TRIM4: variants seen among roughly 807,000 people sequenced by gnomAD.
TRIM4 encodes E3 ubiquitin-protein ligase TRIM4.
A neutral mutation model predicts 33.7 loss-of-function variants in TRIM4; 29 were observed. The observed-to-expected ratio is 0.86, with a 90% CI of 0.64 to 1.17. The LOEUF (loss-of-function observed/expected upper bound fraction) is 1.17, where lower values mean the gene tolerates loss of function less well. Ranked by LOEUF, TRIM4 falls within the 50% of genes most tolerant of loss-of-function variation. The pLI, the probability that TRIM4 is intolerant of heterozygous loss-of-function variation, is 0.00. For synonymous variants in TRIM4, 224 were observed against 233.0 expected, an observed-to-expected ratio of 0.96 and a Z score of 0.35; for missense variants, 554 against 593.7, an observed-to-expected ratio of 0.93 and a Z score of 0.69.
Position 99,890,529 on chromosome 7 carries a change from C to G in TRIM4, c.*1634G>C, listed in dbSNP as rs567715778. On this transcript the variant is annotated 3_prime_UTR_variant, in exon 6 of 6. Transcript: ENST00000349062. ...CATAGTACATATACACCATGGAATA[C>G]TATGCAGCCATAAAAAAAGAATGAG... The G allele has an allele frequency of 3.7e-4, 56 of 152,318 alleles. No individual in the cohort carries two copies. Among genetic ancestry groups the G allele is most frequent in the African/African-American group, 1.2e-3 (50 of 41,574 alleles). The allele number at this position is 152,318 out of a possible 1,614,324, so 9.4% of individuals were successfully genotyped here.
chr7:99,902,181 AC>A (rs1360561297), intron 5 of TRIM4: 1 of 764,388 alleles, frequency 1.3e-6, no homozygotes, highest in African/African-American at 1.7e-5. Context: ...GTTGCTGCAG[AC>A]AAGAAAACAA....
At chr7:99,905,381 GAAATGTATAT>G (rs1563086072) in intron 3 of TRIM4, among the ~76,000 whole-genome samples, 1 of 152,200 alleles carries the variant, frequency 6.6e-6, no homozygotes, top group African/African-American at 2.4e-5. Context: ...ACAACTGATA[GAAATGTATAT>G]AAATGTGCAC....
chr7:99,905,218 T>C (rs1267615803), intron 3 of TRIM4, among the ~76,000 whole-genome samples: 1 of 152,102 alleles, frequency 6.6e-6, no homozygotes, highest in East Asian at 1.9e-4. Context: ...TTGGTGAGGA[T>C]ACACAGCAAC....
At chr7:99,902,770 T>C (rs570185791) in intron 5 of TRIM4, among the ~76,000 whole-genome samples, 59 of 150,196 alleles carry the variant, frequency 3.9e-4, no homozygotes, top group Admixed American at 1.5e-3. Flanking sequence ...TAGCTCATGC[T>C]GCTGCTTCTG....
intron 5 of TRIM4, among the ~76,000 whole-genome samples, chr7:99,898,997 C>T (rs1819091875): frequency 6.6e-6 from 1 of 152,224 alleles, no homozygotes; most frequent in Non-Finnish European, 1.5e-5. Context: ...AATGCTACTG[C>T]ACATACCTTG....
At chr7:99,902,526 C>T (rs1426591501) in intron 5 of TRIM4, among the ~76,000 whole-genome samples, 2 of 152,164 alleles carry the variant, frequency 1.3e-5, no homozygotes, top group African/African-American at 2.4e-5. Context: ...GGATTACAGA[C>T]ATGAGCCTTC....
intron 5 of TRIM4, chr7:99,901,042 C>G (rs548188715): frequency 1.3e-5 from 2 of 152,164 alleles, no homozygotes; most frequent in Admixed American, 6.5e-5. Flanking sequence ...TCTCCCTCCC[C>G]ACTCCTCTCT....
chr7:99,913,661 A>T lies in TRIM4; in HGVS notation c.394-4001T>A, dbSNP rs571420461. Among the ~76,000 whole-genome samples the T allele has an allele frequency of 4.7e-3, 698 of 149,288 alleles. 7 individuals carry two copies. The highest frequency in any genetic ancestry group is 0.016 in the African/African-American group (652 of 40,792). ...ACTCCAGCCTGGGCAACACAGTGAG[A>T]CTCCATCTCAAATAAATAAATAAAT... is the stretch of plus-strand genomic sequence containing the variant. On this transcript the variant is annotated intron_variant, in intron 1 of 5. Coordinates refer to ENST00000349062, the MANE Select transcript of TRIM4 (RefSeq NM_033091.3).
At chr7:99,893,904 G>A (rs1268780166) in intron 5 of TRIM4, among the ~76,000 whole-genome samples, 1 of 151,098 alleles carries the variant, frequency 6.6e-6, no homozygotes, top group African/African-American at 2.4e-5. Context: ...AAAAAATCAG[G>A]AATGTATGCT....
intron 3 of TRIM4, among the ~76,000 whole-genome samples, chr7:99,904,378 A>G (rs1819248454): frequency 6.6e-6 from 1 of 152,230 alleles, no homozygotes; most frequent in Non-Finnish European, 1.5e-5. Context: ...AGATCATCAA[A>G]AACCAGAAAA....
At chr7:99,897,982 A>G (rs1332008020) in intron 5 of TRIM4, among the ~76,000 whole-genome samples, 3 of 151,852 alleles carry the variant, frequency 2.0e-5, no homozygotes, top group African/African-American at 7.3e-5. Flanking sequence ...GCACATGGTG[A>G]CCTCTTTCCA....
intron 3 of TRIM4, among the ~76,000 whole-genome samples, chr7:99,907,183 T>G (rs1819326499): frequency 6.6e-6 from 1 of 152,202 alleles, no homozygotes; most frequent in Non-Finnish European, 1.5e-5. Flanking sequence ...AGTGGCACAA[T>G]CTCGGCTCAC....
chr7:99,902,617 C>T lies in TRIM4; in HGVS notation c.841+601G>A, dbSNP rs569622841. On this transcript the variant is annotated intron_variant, in intron 5 of 5. Transcript: ENST00000349062. ...CACAGCTTCTAGAGCATGTACCTGC[C>T]TTGGTGCCTCCCTGGAGATCCAATG... Among the ~76,000 whole-genome samples the T allele has an allele frequency of 9.8e-5, 15 of 152,288 alleles. No individual in the cohort carries two copies. The South Asian group carries it at 3.1e-3, about 32-fold the overall frequency.
intron 1 of TRIM4, among the ~76,000 whole-genome samples, chr7:99,914,204 C>T (rs1466999891): frequency 6.6e-6 from 1 of 152,212 alleles, no homozygotes; most frequent in Non-Finnish European, 1.5e-5. Flanking sequence ...ATATCCACAA[C>T]GCAGCCACAG....
intron 5 of TRIM4, among the ~76,000 whole-genome samples, chr7:99,897,671 C>T (rs1180252166): frequency 6.6e-6 from 1 of 152,174 alleles, no homozygotes; most frequent in African/African-American, 2.4e-5. Context: ...ACATCCTACT[C>T]CCCAACCCCC....
intron 3 of TRIM4, among the ~76,000 whole-genome samples, chr7:99,905,163 C>A (rs959498531): frequency 2.6e-5 from 4 of 151,988 alleles, no homozygotes; most frequent in Admixed American, 6.6e-5. Flanking sequence ...TGACATTTTG[C>A]ACCTTTCAGG....
Position 99,892,126 on chromosome 7 carries a change from C to A in TRIM4, c.*37G>T. 6.5e-7 allele frequency: 1 copy of A among 1,540,368 alleles called. No individual in the cohort carries two copies. The highest frequency in any genetic ancestry group is 1.2e-5 in the South Asian group (1 of 80,952). On this transcript the variant is annotated 3_prime_UTR_variant, in exon 6 of 6. Transcript: ENST00000349062. Reference sequence around the variant, plus strand: ...CAGGGATGTGTGTCCCTCAGCTGGACTACAGGGAAGGAGTTTTGGTCAGGG... The same window carrying A: ...CAGGGATGTGTGTCCCTCAGCTGGAATACAGGGAAGGAGTTTTGGTCAGGG...
chr7:99,912,915 G>A (rs1819477998), intron 1 of TRIM4, among the ~76,000 whole-genome samples: 1 of 152,086 alleles, frequency 6.6e-6, no homozygotes, highest in South Asian at 2.1e-4. Flanking sequence ...ACTATCTCTA[G>A]TAGTTAACTT....
In TRIM4 at chr7:99,906,130, G is replaced by A. The variant is rs540147175; in HGVS notation, c.720+2452C>T. ...ACTGCACTCCAGCCTCGGCCACACA[G>A]CAAGACTCCATCTCAAAAAAAAAAA... On this transcript the variant is annotated intron_variant, in intron 3 of 5. Transcript: ENST00000349062. 3.3e-5 allele frequency among the ~76,000 whole-genome samples: 5 copies of A among 151,984 alleles called. No individual in the cohort carries two copies. The South Asian group carries it at 1.0e-3, about 31-fold the overall frequency.
Sources: allele counts gnomAD v4.1 joint callset (sites outside exome capture counted in the v4.1 genomes callset), GRCh38; gene constraint gnomAD v4.1.1; transcripts MANE v1.5; gene names NCBI Gene and HGNC (gene_info 2026-07-23, HGNC 2026-07-21).